Variants in BMP5 observed in about 807,000 individuals in gnomAD.
The protein encoded by BMP5 is bone morphogenetic protein 5.
Under a neutral mutation model 46.6 loss-of-function variants are expected in BMP5, and 23 were observed. The ratio of observed to expected loss-of-function variants is 0.49; its 90% CI spans 0.35 to 0.70. The LOEUF is 0.70. Ranked by LOEUF, BMP5 falls within the 30% of genes least tolerant of loss-of-function variation. BMP5 has a pLI of 0.00. For missense variants in BMP5, 545 were observed against 565.6 expected (o/e 0.96, Z 0.37); for synonymous variants, 204 against 191.9 (o/e 1.06, Z -0.52).
At chr6:55,759,168 AAAAAAAAAAAAAAAAC>A (rs1774696616) in intron 5 of BMP5, 53 bp from the exon 6 acceptor site, 7 of 862,668 alleles carry the variant, frequency 8.1e-6, no homozygotes, top group East Asian at 6.2e-5. Context: ...AAAAAAAAAA[AAAAAAAAAAAAAAAAC>A]AACAAGAAAA....
chr6:55,804,018 A>T (rs572995589), intron 2 of BMP5, among the ~76,000 whole-genome samples: 1 of 152,326 alleles, frequency 6.6e-6, no homozygotes, highest in African/African-American at 2.4e-5. Flanking sequence ...CAGAAAGTCA[A>T]ATCCCTATAA....
intron 1 of BMP5, among the ~76,000 whole-genome samples, chr6:55,873,180 T>C (rs1777823913): frequency 6.6e-6 from 1 of 151,938 alleles, no homozygotes; most frequent in South Asian, 2.1e-4. Context: ...CATCCATGTG[T>C]TATTAAGATT....
At chr6:55,793,678 C>T (rs1477730568) in intron 3 of BMP5, among the ~76,000 whole-genome samples, 4 of 152,244 alleles carry the variant, frequency 2.6e-5, no homozygotes, top group African/African-American at 9.6e-5. Flanking sequence ...TCCACAAGTA[C>T]TTCTGGAGCA....
At chr6:55,833,109 C>T (rs1776705190) in intron 1 of BMP5, among the ~76,000 whole-genome samples, 2 of 152,100 alleles carry the variant, frequency 1.3e-5, no homozygotes, top group South Asian at 4.1e-4. Flanking sequence ...GAGCAAGATC[C>T]TGTCTCTAAG....
intron 1 of BMP5, among the ~76,000 whole-genome samples, chr6:55,870,225 T>C (rs971076450): frequency 1.3e-5 from 2 of 151,588 alleles, no homozygotes; most frequent in Non-Finnish European, 2.9e-5. Context: ...AAGCATTTAA[T>C]TAAACTATGA....
At chr6:55,805,657 G>A (rs1313779383) in intron 2 of BMP5, among the ~76,000 whole-genome samples, 2 of 152,124 alleles carry the variant, frequency 1.3e-5, no homozygotes, top group African/African-American at 4.8e-5. Flanking sequence ...CTTCCACAGT[G>A]GTTGAACTAA....
At chr6:55,850,258 G>A (rs529461614) in intron 1 of BMP5, among the ~76,000 whole-genome samples, 1 of 152,066 alleles carries the variant, frequency 6.6e-6, no homozygotes, top group South Asian at 2.1e-4. Context: ...CATATAAATC[G>A]CTTAGACATG....
chr6:55,860,852 G>A (rs1250007856), intron 1 of BMP5, among the ~76,000 whole-genome samples: 1 of 152,160 alleles, frequency 6.6e-6, no homozygotes, highest in African/African-American at 2.4e-5. Context: ...GAGAAATTTT[G>A]TAGCTCCAGA....
intron 1 of BMP5, among the ~76,000 whole-genome samples, chr6:55,823,328 A>T (rs1269232756): frequency 6.6e-6 from 1 of 152,128 alleles, no homozygotes; most frequent in Non-Finnish European, 1.5e-5. Flanking sequence ...ACACATCACA[A>T]TACATAATCC....
At chr6:55,836,071 C>T (rs958955129) in intron 1 of BMP5, among the ~76,000 whole-genome samples, 7 of 151,912 alleles carry the variant, frequency 4.6e-5, no homozygotes, top group African/African-American at 1.5e-4. Flanking sequence ...CTCAATTTTC[C>T]CAATCAAAAA....
intron 1 of BMP5, among the ~76,000 whole-genome samples, chr6:55,849,250 G>GT (rs1214038686): frequency 6.6e-6 from 1 of 152,014 alleles, no homozygotes; most frequent in Admixed American, 6.6e-5. Context: ...GGAGAAAACT[G>GT]TAACAGCAAG....
intron 1 of BMP5, among the ~76,000 whole-genome samples, chr6:55,833,626 T>G (rs1582103238): frequency 6.6e-6 from 1 of 152,296 alleles, no homozygotes; most frequent in Admixed American, 6.5e-5. Context: ...TGAATGCATC[T>G]GAAAGAATGA....
chr6:55,806,439 G>A (rs1407245934), intron 2 of BMP5, among the ~76,000 whole-genome samples: 1 of 152,216 alleles, frequency 6.6e-6, no homozygotes, highest in Non-Finnish European at 1.5e-5. Context: ...TGTCCGTTTT[G>A]GTAGCAGTGC....
intron 2 of BMP5, among the ~76,000 whole-genome samples, chr6:55,801,264 C>T (rs1332108019): frequency 6.6e-6 from 1 of 152,162 alleles, no homozygotes; most frequent in African/African-American, 2.4e-5. Flanking sequence ...AGTGTTATTG[C>T]AACTTAGACA....
chr6:55,769,083 T>C (rs2127519105), intron 4 of BMP5, among the ~76,000 whole-genome samples: 1 of 152,104 alleles, frequency 6.6e-6, no homozygotes, highest in South Asian at 2.1e-4. Context: ...TGTTGATACC[T>C]GCTGACTGAT....
intron 2 of BMP5, among the ~76,000 whole-genome samples, chr6:55,798,787 G>C (rs1024144471): frequency 1.3e-5 from 2 of 152,144 alleles, no homozygotes; most frequent in African/African-American, 4.8e-5. Context: ...AACATGTCTA[G>C]TTATACATGG....
At chr6:55,756,073 T>C (rs1048950618) in intron 6 of BMP5, among the ~76,000 whole-genome samples, 1 of 151,928 alleles carries the variant, frequency 6.6e-6, no homozygotes, top group South Asian at 2.1e-4. Flanking sequence ...TGAAAACACA[T>C]AGTTGCAGAA....
chr6:55,799,127 T>G (rs952836574), intron 2 of BMP5, among the ~76,000 whole-genome samples: 1 of 152,136 alleles, frequency 6.6e-6, no homozygotes, highest in Non-Finnish European at 1.5e-5. Context: ...CAACCTCAAT[T>G]TCCCTGTATA....
intron 1 of BMP5, among the ~76,000 whole-genome samples, chr6:55,831,621 A>G (rs2127542324): frequency 6.6e-6 from 1 of 152,094 alleles, no homozygotes; most frequent in Admixed American, 6.6e-5. Flanking sequence ...GAAGTGGAAA[A>G]TTAGAAAAGA....
Sources: allele counts gnomAD v4.1 joint callset (sites outside exome capture counted in the v4.1 genomes callset), GRCh38; gene constraint gnomAD v4.1.1; transcripts MANE v1.5; gene names NCBI Gene and HGNC (gene_info 2026-07-23, HGNC 2026-07-21).